MYO6: variants seen among roughly 807,000 people sequenced by gnomAD.
MYO6 encodes the protein unconventional myosin-VI.
Under a neutral mutation model 178.7 loss-of-function variants are expected in MYO6, and 74 were observed. That is an observed-to-expected ratio of 0.41 (90% CI 0.34 to 0.50). The LOEUF is 0.50. MYO6 is among the 20% of genes least tolerant of loss of function. The pLI, the probability that MYO6 is intolerant of heterozygous loss-of-function variation, is 0.09. For synonymous variants in MYO6, 477 were observed against 504.6 expected (o/e 0.95, Z 0.73); for missense variants, 1,330 against 1,547.4 (o/e 0.86, Z 2.36).
At chr6:75,912,044 G>A (rs3818310) in intron 33 of MYO6, among the ~76,000 whole-genome samples, 34,645 of 151,850 alleles carry the variant, frequency 0.23, 5,160 homozygotes, top group Middle Eastern at 0.39. Context: ...TAACTTTTAG[G>A]TGCTGGTTTT....
chr6:75,907,135 T>G (rs1176988391), intron 30 of MYO6, among the ~76,000 whole-genome samples: 2 of 152,158 alleles, frequency 1.3e-5, no homozygotes, highest in Non-Finnish European at 2.9e-5. Flanking sequence ...GTGAATGGAG[T>G]TTGGCCATCT....
In MYO6 at chr6:75,907,654, G is replaced by C. The variant is rs373918901; in HGVS notation, c.3226G>C (p.Asp1076His). 4.3e-6 allele frequency: 7 copies of C among 1,613,684 alleles called. No homozygotes were observed. The highest frequency in any genetic ancestry group is 5.1e-6 in the Non-Finnish European group (6 of 1,179,900). ...TKAAAGTKKY[D>H]LSKWKYAELR... ...AGCAGCTGCTGGTACTAAGAAATATGATCTTAGTAAATGGAAATATGCAGA... is the reference window on the plus strand; with the variant it reads ...AGCAGCTGCTGGTACTAAGAAATATCATCTTAGTAAATGGAAATATGCAGA... Residue 1076 changes from aspartate to histidine, a missense_variant, in exon 31 of 35, where the codon GAT becomes CAT. Physicochemically the swap from Asp to His is moderately conservative, Grantham distance 81. This residue lies in a region of MYO6 where 601 missense variants were observed against 626.1 expected (regional missense o/e 0.96). Transcript: ENST00000369977.
At chr6:75,766,868 T>G (rs938051199) in intron 1 of MYO6, among the ~76,000 whole-genome samples, 2 of 152,244 alleles carry the variant, frequency 1.3e-5, no homozygotes, top group African/African-American at 4.8e-5. Context: ...CTGTTCATTT[T>G]ACCTTCTATA....
At chr6:75,775,444 G>C (rs188565515) in intron 1 of MYO6, among the ~76,000 whole-genome samples, 238 of 152,316 alleles carry the variant, frequency 1.6e-3, no homozygotes, top group African/African-American at 5.0e-3. Context: ...ATTGGCAACT[G>C]TCCAAATTGG....
At chr6:75,824,747 T>C (rs1021743217) in intron 3 of MYO6, among the ~76,000 whole-genome samples, 3 of 150,628 alleles carry the variant, frequency 2.0e-5, no homozygotes, top group Non-Finnish European at 4.4e-5. Flanking sequence ...ACTTATTACC[T>C]ACTTTTCGGT....
intron 26 of MYO6, 133 bp downstream of exon 26, chr6:75,890,398 G>A: frequency 1.6e-6 from 2 of 1,268,046 alleles, no homozygotes; most frequent in Non-Finnish European, 2.2e-6. Context: ...CCAGGCTGGA[G>A]TGCAGTGGCG....
rs181680195 is a variant in MYO6 at position 75,867,173 on chromosome 6, G to A, written c.1944+68G>A. The A allele has an allele frequency of 2.9e-5, 37 of 1,268,494 alleles. No homozygotes were observed. The Admixed American group carries it at 4.4e-4, about 15-fold the overall frequency. The allele number at this position is 1,268,494 out of a possible 1,614,324, so 78.6% of individuals were successfully genotyped here. ...AAATTATTGTTTTATATTCTAAAAT[G>A]GATAATGTAGATCACTGTCAGAAAT... On this transcript the variant is annotated intron_variant, in intron 18 of 34. Transcript: ENST00000369977.
intron 1 of MYO6, among the ~76,000 whole-genome samples, chr6:75,787,765 T>TATATATATATATATGTA (rs1562158930): frequency 9.5e-6 from 1 of 105,628 alleles, no homozygotes; most frequent in African/African-American, 4.4e-5. Context: ...TATATATGTA[T>TATATATATATATATGTA]TTTTTTTTTT....
At chr6:75,815,245 A>G (rs1771101261) in intron 1 of MYO6, among the ~76,000 whole-genome samples, 1 of 152,144 alleles carries the variant, frequency 6.6e-6, no homozygotes, top group South Asian at 2.1e-4. Flanking sequence ...ATGAATTTGG[A>G]AGGAGCTCAA....
intron 25 of MYO6, 78 bp downstream of exon 25, chr6:75,887,072 G>A (rs1436736115): frequency 1.4e-6 from 2 of 1,400,280 alleles, no homozygotes; most frequent in Non-Finnish European, 2.0e-6. Context: ...AAATTGTATA[G>A]AAAACGTCCT....
At chr6:75,773,757 A>G (rs1766113318) in intron 1 of MYO6, among the ~76,000 whole-genome samples, 1 of 152,242 alleles carries the variant, frequency 6.6e-6, no homozygotes, top group African/African-American at 2.4e-5. Context: ...AGAGCAGTGT[A>G]AGATGGTGGC....
chr6:75,903,349 G>A (rs1484900215), intron 30 of MYO6, among the ~76,000 whole-genome samples: 3 of 151,992 alleles, frequency 2.0e-5, no homozygotes, highest in Admixed American at 6.6e-5. Context: ...CATTATTAAT[G>A]TGTGGGAGTC....
At chr6:75,770,203 T>G (rs1765733666) in intron 1 of MYO6, among the ~76,000 whole-genome samples, 1 of 152,214 alleles carries the variant, frequency 6.6e-6, no homozygotes, top group African/African-American at 2.4e-5. Context: ...ATGAGGCCCT[T>G]TCCAGAAGCA....
intron 1 of MYO6, among the ~76,000 whole-genome samples, chr6:75,784,575 C>T (rs1449160671): frequency 6.6e-6 from 1 of 151,410 alleles, no homozygotes; most frequent in Non-Finnish European, 1.5e-5. Flanking sequence ...AGATCGAGAC[C>T]ATCCTGGCTA....
intron 2 of MYO6, among the ~76,000 whole-genome samples, chr6:75,821,353 T>C (rs191312610): frequency 1.3e-5 from 2 of 152,314 alleles, no homozygotes; most frequent in African/African-American, 4.8e-5. Context: ...TTAGCAGTTA[T>C]TTCTGAATGC....
chr6:75,900,724 G>C (rs1465817810), intron 30 of MYO6, among the ~76,000 whole-genome samples: 3 of 151,974 alleles, frequency 2.0e-5, no homozygotes, highest in Non-Finnish European at 4.4e-5. Flanking sequence ...CTGTGCAGAA[G>C]CTCTTTAGTT....
intron 3 of MYO6, among the ~76,000 whole-genome samples, chr6:75,823,348 G>C (rs1011446016): frequency 2.4e-4 from 37 of 151,960 alleles, no homozygotes; most frequent in African/African-American, 8.5e-4. Flanking sequence ...TAACATCTTT[G>C]CATGTTTGAT....
Position 75,853,449 on chromosome 6 carries a change from C to T in MYO6, c.1079-1690C>T, listed in dbSNP as rs548430428. 2.0e-5 allele frequency among the ~76,000 whole-genome samples: 3 copies of T among 152,126 alleles called. No individual in the cohort carries two copies. The South Asian group carries it at 6.2e-4, about 32-fold the overall frequency. ...AGGTTTATACCTAGTTTTTTTCTAA[C>T]AGTTTAATAGCTTTAGCTCTTACAT... On this transcript the variant is annotated intron_variant, in intron 11 of 34. Transcript: ENST00000369977.
chr6:75,791,360 A>G (rs952240181), intron 1 of MYO6, among the ~76,000 whole-genome samples: 1 of 152,244 alleles, frequency 6.6e-6, no homozygotes, highest in African/African-American at 2.4e-5. Context: ...GTTTTAAAGA[A>G]TTATGACTTC....
Sources: allele counts gnomAD v4.1 joint callset (sites outside exome capture counted in the v4.1 genomes callset), GRCh38; gene constraint gnomAD v4.1.1; regional missense constraint gnomAD v4.1.1; transcripts MANE v1.5; gene names NCBI Gene and HGNC (gene_info 2026-07-23, HGNC 2026-07-21).